The following SLIT3 variants were observed in gnomAD, a reference collection of about 807,000 sequenced individuals.
SLIT3 encodes the protein slit homolog 3 protein.
In SLIT3, 68 loss-of-function variants were observed where a neutral mutation model predicts 184.0. That is an observed-to-expected ratio of 0.37 (90% CI 0.30 to 0.45). The LOEUF is 0.45. SLIT3 is among the 20% of genes least tolerant of loss of function. The pLI is 1.00. For synonymous variants in SLIT3, 831 were observed against 828.6 expected (o/e 1.00, Z -0.05); for missense variants, 1,707 against 2,026.0 (o/e 0.84, Z 3.02).
chr5:168,945,245 C>CTTT (rs1762436827), intron 4 of SLIT3, among the ~76,000 whole-genome samples: 1 of 112,806 alleles, frequency 8.9e-6, no homozygotes, highest in African/African-American at 3.9e-5. Flanking sequence ...TTGGTATCCA[C>CTTT]ATTTTTTTTT....
At chr5:168,966,314 A>T (rs1763189889) in intron 4 of SLIT3, among the ~76,000 whole-genome samples, 1 of 151,572 alleles carries the variant, frequency 6.6e-6, no homozygotes, top group Admixed American at 6.6e-5. Context: ...TGCCTAGAAG[A>T]GTCTGAGAGG....
At chr5:168,727,224 G>A (rs1425461266) in intron 20 of SLIT3, among the ~76,000 whole-genome samples, 1 of 152,140 alleles carries the variant, frequency 6.6e-6, no homozygotes, top group Admixed American at 6.5e-5. Context: ...GGAGGCTGAG[G>A]CAGGAGAATC....
At chr5:169,219,256 AAGGTTCC>A (rs1309583435) in intron 3 of SLIT3, among the ~76,000 whole-genome samples, 1 of 152,204 alleles carries the variant, frequency 6.6e-6, no homozygotes, top group African/African-American at 2.4e-5. Flanking sequence ...CAGGCAGAAT[AAGGTTCC>A]AGTGTAACAG....
chr5:168,748,538 G>C (rs756109118), intron 19 of SLIT3, 104 bp from the exon 20 acceptor site: 3 of 1,159,382 alleles, frequency 2.6e-6, no homozygotes, highest in Non-Finnish European at 3.5e-6. Context: ...GTTGTCCCCT[G>C]TCCCCGCTGT....
At chr5:169,106,208 T>C (rs1471820770) in intron 4 of SLIT3, among the ~76,000 whole-genome samples, 1 of 152,098 alleles carries the variant, frequency 6.6e-6, no homozygotes, top group Non-Finnish European at 1.5e-5. Flanking sequence ...AACTTCAAAG[T>C]TGAAGAAAAA....
chr5:169,260,582 C>T (rs1766129888), intron 1 of SLIT3, among the ~76,000 whole-genome samples: 2 of 152,306 alleles, frequency 1.3e-5, no homozygotes, highest in Admixed American at 1.3e-4. Context: ...GTGATAATTG[C>T]TCCATTGCTT....
intron 20 of SLIT3, among the ~76,000 whole-genome samples, chr5:168,738,349 A>G (rs1763502795): frequency 6.6e-6 from 1 of 152,234 alleles, no homozygotes; most frequent in African/African-American, 2.4e-5. Flanking sequence ...TACCAAAACC[A>G]GGAATGCCCT....
At chr5:169,265,715 A>G (rs1171293146) in intron 1 of SLIT3, among the ~76,000 whole-genome samples, 1 of 152,216 alleles carries the variant, frequency 6.6e-6, no homozygotes, top group African/African-American at 2.4e-5. Context: ...GAATTAAATG[A>G]GATGATACGT....
rs368698790 is a variant in SLIT3, at chr5:168,969,904, G to A, written c.414-86568C>T. ...TCCTTTAAGAAGCAAAGACAAGGCT[G>A]GGCGCAGTGGCTCCCGCCTGTAACG... On this transcript the variant is annotated intron_variant, in intron 4 of 35. Transcript: ENST00000519560. 7.2e-5 allele frequency among the ~76,000 whole-genome samples: 11 copies of A among 152,252 alleles called. No individual in the cohort carries two copies. In the East Asian group the frequency reaches 2.1e-3, roughly 29 times the overall value.
intron 3 of SLIT3, among the ~76,000 whole-genome samples, chr5:169,223,433 C>G (rs1263659778): frequency 6.6e-6 from 1 of 152,206 alleles, no homozygotes; most frequent in Non-Finnish European, 1.5e-5. Context: ...TGTGCTCTTC[C>G]TCTATGGCGT....
chr5:169,192,992 T>A (rs1024967804), intron 4 of SLIT3, among the ~76,000 whole-genome samples: 6 of 152,098 alleles, frequency 3.9e-5, no homozygotes, highest in African/African-American at 9.7e-5. Flanking sequence ...TCCCACAAAA[T>A]CATAAACCCC....
intron 4 of SLIT3, among the ~76,000 whole-genome samples, chr5:169,096,580 C>T (rs1220251456): frequency 1.3e-5 from 2 of 152,078 alleles, no homozygotes; most frequent in Non-Finnish European, 2.9e-5. Flanking sequence ...AGAATTTGGC[C>T]CAAAGTCACA....
chr5:169,091,719 G>A (rs1170727324), intron 4 of SLIT3, among the ~76,000 whole-genome samples: 2 of 152,150 alleles, frequency 1.3e-5, no homozygotes, highest in African/African-American at 4.8e-5. Context: ...TCCTTGCCTG[G>A]CTCTCCTCCC....
chr5:169,015,577 A>G (rs1756332068), intron 4 of SLIT3, among the ~76,000 whole-genome samples: 1 of 152,154 alleles, frequency 6.6e-6, no homozygotes, highest in Non-Finnish European at 1.5e-5. Context: ...TAAAATTAAG[A>G]CTTTGGAATA....
At chr5:168,678,338 T>A (rs1010332968) in intron 32 of SLIT3, among the ~76,000 whole-genome samples, 1 of 151,870 alleles carries the variant, frequency 6.6e-6, no homozygotes, top group African/African-American at 2.4e-5. Context: ...CCTTAAAAAA[T>A]AAAAAAATAA....
At position 168,665,607 on chromosome 5, in the gene SLIT3, G is replaced by A. The variant is rs1167449446; in HGVS notation, c.*847C>T. On this transcript the variant is annotated 3_prime_UTR_variant, in exon 36 of 36. Transcript: ENST00000519560. The stretch of plus-strand genomic sequence containing the variant: ...AAAAATAGCAGCTGTTTTAAAATTT[G>A]GTAAGACAGTTCCAAATGACACCTG... The A allele has an allele frequency of 6.6e-6, 1 of 152,252 alleles. No homozygotes were observed. The allele number at this position is 152,252 out of a possible 1,614,324, so 9.4% of individuals were successfully genotyped here.
intron 26 of SLIT3, chr5:168,706,680 G>A (rs1762380556): frequency 6.6e-6 from 1 of 152,126 alleles, no homozygotes; most frequent in South Asian, 2.1e-4. Context: ...GGGACTCAGT[G>A]GTAAGTTTAA....
At chr5:168,785,705 T>C (rs1306056816) in intron 12 of SLIT3, among the ~76,000 whole-genome samples, 1 of 152,256 alleles carries the variant, frequency 6.6e-6, no homozygotes, top group Non-Finnish European at 1.5e-5. Context: ...TTATGCACAC[T>C]GACCTCGGTC....
intron 5 of SLIT3, among the ~76,000 whole-genome samples, chr5:168,859,274 T>C (rs1041023236): frequency 1.3e-5 from 2 of 152,144 alleles, no homozygotes; most frequent in Non-Finnish European, 2.9e-5. Flanking sequence ...GCATTAACTG[T>C]AATGAAGCAA....
Sources: gnomAD v4.1 joint callset for allele counts (sites outside exome capture counted in the v4.1 genomes callset) on GRCh38, gnomAD v4.1.1 for gene constraint, MANE v1.5 for transcripts, NCBI Gene and HGNC (gene_info 2026-07-23, HGNC 2026-07-21) for gene names.